NRXN3: variants seen among roughly 807,000 people sequenced by gnomAD.
The protein encoded by NRXN3 is neurexin 3.
NRXN3 carries 32 observed loss-of-function variants against 137.6 expected under a neutral mutation model. That is an observed-to-expected ratio of 0.23 (90% CI 0.18 to 0.31). NRXN3 has a LOEUF of 0.31. NRXN3 is among the 10% of genes least tolerant of loss of function. NRXN3 has a pLI of 1.00. For missense variants in NRXN3, 1,574 were observed against 2,062.5 expected, an observed-to-expected ratio of 0.76 and a Z score of 4.59; for synonymous variants, 798 against 784.5, an observed-to-expected ratio of 1.02 and a Z score of -0.29.
intron 15 of NRXN3, among the ~76,000 whole-genome samples, chr14:79,098,921 A>C (rs1043756987): frequency 2.0e-5 from 3 of 152,194 alleles, no homozygotes; most frequent in African/African-American, 7.2e-5. Context: ...CCTCCAGTAG[A>C]GTTCTCCTTA....
chr14:79,805,163 G>A lies in NRXN3; in HGVS notation c.4066G>A (p.Asp1356Asn). 1 of 1,613,700 alleles carries A rather than the reference G, an allele frequency of 6.2e-7. No individual in the cohort carries two copies. Among genetic ancestry groups the A allele is most frequent in the Non-Finnish European group, 8.5e-7 (1 of 1,179,780 alleles). Residue 1356 changes from aspartate to asparagine, a missense_variant, in exon 20 of 21, where the codon GAC (aspartate) becomes AAC (asparagine). Around this residue, in one of 5 missense-constraint regions of NRXN3, gnomAD observed 320 missense variants for 387.1 expected, o/e 0.83. Transcript: ENST00000335750. ...TGCTGAATGTTCAAGTGATGATGAAGACTTTGTTGAATGTGAGCCGAGTAC... is the reference window on the plus strand; with the variant it reads ...TGCTGAATGTTCAAGTGATGATGAAAACTTTGTTGAATGTGAGCCGAGTAC... The part of the protein sequence containing the change: ...SSAECSSDDE[D>N]FVECEPSTDK...
intron 19 of NRXN3, among the ~76,000 whole-genome samples, chr14:79,731,965 G>A (rs1457558069): frequency 6.6e-6 from 1 of 151,772 alleles, no homozygotes; most frequent in East Asian, 1.9e-4. Context: ...TTTTGGCAGT[G>A]GTTGAATAGA....
intron 10 of NRXN3, among the ~76,000 whole-genome samples, chr14:78,856,302 C>T (rs757041063): frequency 1.3e-5 from 2 of 152,052 alleles, no homozygotes; most frequent in Admixed American, 6.6e-5. Context: ...ACATCAACCT[C>T]GAAAATGTAA....
intron 20 of NRXN3, among the ~76,000 whole-genome samples, chr14:79,825,172 T>C (rs1053351312): frequency 1.3e-5 from 2 of 151,886 alleles, no homozygotes; most frequent in African/African-American, 4.8e-5. Context: ...TAACTTCCTT[T>C]GTCAGACCAA....
chr14:79,116,118 G>C (rs2653537), intron 15 of NRXN3, among the ~76,000 whole-genome samples: 4,342 of 152,266 alleles, frequency 0.029, 207 homozygotes, highest in African/African-American at 0.099. Context: ...TTCAATTGCT[G>C]TGGGGACATG....
chr14:79,800,794 A>G (rs960929074), intron 19 of NRXN3, among the ~76,000 whole-genome samples: 6 of 152,234 alleles, frequency 3.9e-5, no homozygotes, highest in African/African-American at 9.6e-5. Context: ...AAAAACTGCT[A>G]AAAGAAAGCC....
intron 15 of NRXN3, among the ~76,000 whole-genome samples, chr14:79,384,268 GGGGA>G (rs2094545064): frequency 6.6e-6 from 1 of 152,120 alleles, no homozygotes; most frequent in African/African-American, 2.4e-5. Context: ...GGGGAAGAGA[GGGGA>G]AGGGAGGCAG....
At chr14:78,649,873 A>G (rs2152619506) in intron 5 of NRXN3, among the ~76,000 whole-genome samples, 1 of 152,194 alleles carries the variant, frequency 6.6e-6, no homozygotes, top group East Asian at 1.9e-4. Context: ...CCAAAAGGAT[A>G]TCCACCAATT....
chr14:79,612,345 G>A (rs887758172), intron 16 of NRXN3, among the ~76,000 whole-genome samples: 1 of 152,134 alleles, frequency 6.6e-6, no homozygotes, highest in Admixed American at 6.6e-5. Context: ...GGGTGTCTCT[G>A]GCTAACACAT....
chr14:79,483,062 G>A (rs2096623751), intron 16 of NRXN3, among the ~76,000 whole-genome samples: 1 of 152,184 alleles, frequency 6.6e-6, no homozygotes, highest in East Asian at 1.9e-4. Context: ...AACAGACACA[G>A]TAAGTCAGCT....
Position 79,036,371 on chromosome 14 carries a change from A to G in NRXN3, c.3262+48230A>G, listed in dbSNP as rs1310999899. ...ATTCCACAAGTAAAACGAGAGTATGATAGATACTTCACCATGGTGCTGGTG... is the reference window on the plus strand; with the variant it reads ...ATTCCACAAGTAAAACGAGAGTATGGTAGATACTTCACCATGGTGCTGGTG... On this transcript the variant is annotated intron_variant, in intron 15 of 20. Coordinates refer to ENST00000335750, the MANE Select transcript of NRXN3 (RefSeq NM_001330195.2). 2.0e-5 allele frequency among the ~76,000 whole-genome samples: 3 copies of G among 152,028 alleles called. No individual in the cohort carries two copies. In the South Asian group the frequency reaches 6.2e-4, roughly 31 times the overall value.
intron 15 of NRXN3, among the ~76,000 whole-genome samples, chr14:79,440,824 T>C (rs2095927510): frequency 6.6e-6 from 1 of 152,192 alleles, no homozygotes; most frequent in Non-Finnish European, 1.5e-5. Context: ...ATTTATTGGG[T>C]AAATTAGGCA....
chr14:79,267,522 TAAG>T (rs1378232836), intron 15 of NRXN3, among the ~76,000 whole-genome samples: 4 of 152,126 alleles, frequency 2.6e-5, no homozygotes, highest in African/African-American at 9.7e-5. Context: ...CACACCCAGC[TAAG>T]TTTTGTATTT....
chr14:79,825,160 C>T (rs1023941778), intron 20 of NRXN3, among the ~76,000 whole-genome samples: 10 of 148,808 alleles, frequency 6.7e-5, no homozygotes, highest in Admixed American at 1.3e-4. Flanking sequence ...AATGCCATTA[C>T]GTAACTTCCT....
At chr14:78,178,364 G>A (rs945649603) in intron 1 of NRXN3, among the ~76,000 whole-genome samples, 5 of 152,230 alleles carry the variant, frequency 3.3e-5, no homozygotes, top group Non-Finnish European at 7.3e-5. Flanking sequence ...GCTGCTGGTT[G>A]TAGCACTGCT....
intron 15 of NRXN3, chr14:79,074,750 G>C (rs1195165232): frequency 6.6e-6 from 1 of 152,256 alleles, no homozygotes; most frequent in Non-Finnish European, 1.5e-5. Context: ...CTTCATTGCA[G>C]CTGGCATATC....
intron 16 of NRXN3, among the ~76,000 whole-genome samples, chr14:79,561,571 A>T (rs1333583374): frequency 2.6e-5 from 4 of 152,046 alleles, no homozygotes; most frequent in African/African-American, 7.2e-5. Context: ...GTATGATAGA[A>T]TTTCTCCTTA....
intron 4 of NRXN3, among the ~76,000 whole-genome samples, chr14:78,486,190 G>T (rs1334272152): frequency 6.6e-6 from 1 of 152,180 alleles, no homozygotes; most frequent in Non-Finnish European, 1.5e-5. Flanking sequence ...GAAGGCTAAA[G>T]TGTTGAGGGA....
chr14:79,282,179 A>G (rs535457842), intron 15 of NRXN3, among the ~76,000 whole-genome samples: 14 of 151,694 alleles, frequency 9.2e-5, no homozygotes, highest in Non-Finnish European at 1.6e-4. Context: ...TTTCATTGAC[A>G]TGGAAACTTA....
Sources: allele counts gnomAD v4.1 joint callset (sites outside exome capture counted in the v4.1 genomes callset), GRCh38; gene constraint gnomAD v4.1.1; regional missense constraint gnomAD v4.1.1; transcripts MANE v1.5; gene names NCBI Gene and HGNC (gene_info 2026-07-23, HGNC 2026-07-21).